SHOC2: variants seen among roughly 807,000 people sequenced by gnomAD.
SHOC2 encodes the protein SHOC2 leucine rich repeat scaffold protein.
SHOC2 carries 4 observed loss-of-function variants against 50.2 expected under a neutral mutation model. That is an observed-to-expected ratio of 0.08 (90% CI 0.04 to 0.18). SHOC2 has a LOEUF of 0.18. Ranked by LOEUF, SHOC2 falls within the 10% of genes least tolerant of loss-of-function variation. The pLI is 1.00. For synonymous variants in SHOC2, 218 were observed against 244.5 expected, an observed-to-expected ratio of 0.89 and a Z score of 1.01; for missense variants, 388 against 669.6, an observed-to-expected ratio of 0.58 and a Z score of 4.64.
At chr10:110,947,390 C>T (rs1422756412) in intron 1 of SHOC2, among the ~76,000 whole-genome samples, 1 of 152,246 alleles carries the variant, frequency 6.6e-6, no homozygotes, top group Non-Finnish European at 1.5e-5. Flanking sequence ...GACAGGCTGA[C>T]TGGTAAAGGG....
chr10:110,919,999 G>T, intron 1 of SHOC2: 1 of 147,870 alleles, frequency 6.8e-6, no homozygotes, highest in South Asian at 1.8e-4. Context: ...CCTGGGCGAC[G>T]GCGAGCCGGC....
Position 111,012,651 on chromosome 10 carries a change from AAACT to A in SHOC2, c.*837_*840del, listed in dbSNP as rs1277394430. On this transcript the variant is annotated 3_prime_UTR_variant, in exon 9 of 9. Coordinates refer to ENST00000369452, the MANE Select transcript of SHOC2 (RefSeq NM_007373.4). ...CATTCCTGAAAGTTGCAGATCCACA[AAACT>A]AACAGGATAATTGGGCAAATAAATT... 6.6e-6 allele frequency: 1 copy of A among 152,192 alleles called. No individual in the cohort carries two copies. Among genetic ancestry groups the A allele is most frequent in the Non-Finnish European group, 1.5e-5 (1 of 68,030 alleles). The allele number at this position is 152,192 out of a possible 1,614,324, so 9.4% of individuals were successfully genotyped here.
In SHOC2 at chr10:110,999,736, CAAAAAAA is replaced by C. The variant is rs145780250; in HGVS notation, c.842-662_842-656del. ...TGGGTGATAGAGTGAGACTCAGTCT[CAAAAAAA>C]AAAAAAAAAAAAAAAAGAAAGAAAA... is the stretch of plus-strand genomic sequence containing the variant. On this transcript the variant is annotated intron_variant, in intron 3 of 8. Coordinates refer to ENST00000369452, the MANE Select transcript of SHOC2 (RefSeq NM_007373.4). Among the ~76,000 whole-genome samples the C allele has an allele frequency of 4.3e-3, 350 of 81,718 alleles. 2 individuals are homozygous for C. Among genetic ancestry groups the C allele is most frequent in the Non-Finnish European group, 6.0e-3 (263 of 43,948 alleles). 53.6% of individuals were successfully genotyped at this position (81,718 alleles called of 152,430 possible). A position where few individuals can be genotyped will look rare whatever the true frequency, so the allele number is the denominator to read the frequency against.
chr10:110,926,022 C>G (rs1846764435), intron 1 of SHOC2, among the ~76,000 whole-genome samples: 1 of 152,178 alleles, frequency 6.6e-6, no homozygotes, highest in Admixed American at 6.5e-5. Flanking sequence ...GTGTCATCGG[C>G]TTGGTTACTA....
At chr10:111,003,825 A>G (rs1848422459) in intron 4 of SHOC2, among the ~76,000 whole-genome samples, 1 of 152,182 alleles carries the variant, frequency 6.6e-6, no homozygotes, top group Non-Finnish European at 1.5e-5. Flanking sequence ...CCTATTATAT[A>G]TAATTGATTA....
intron 1 of SHOC2, among the ~76,000 whole-genome samples, chr10:110,921,194 C>G (rs1292672508): frequency 6.6e-6 from 1 of 152,106 alleles, no homozygotes; most frequent in Non-Finnish European, 1.5e-5. Context: ...TTGAATTTAT[C>G]AAGTGTTGAT....
In SHOC2 at chr10:111,011,879, A is replaced by G. The variant is rs775803610; in HGVS notation, c.*61A>G. 5 of 1,288,722 alleles carry G rather than the reference A, an allele frequency of 3.9e-6. No homozygotes were observed. The highest frequency in any genetic ancestry group is 3.4e-5 in the Admixed American group (2 of 59,004). 79.8% of individuals were successfully genotyped at this position (1,288,722 alleles called of 1,614,324 possible). A position where few individuals can be genotyped will look rare whatever the true frequency, so the allele number is the denominator to read the frequency against. On this transcript the variant is annotated 3_prime_UTR_variant, in exon 9 of 9. Coordinates refer to ENST00000369452, the MANE Select transcript of SHOC2 (RefSeq NM_007373.4). ...AGACTGCCATTAATGTTTCTTATCT[A>G]TATCTGTATCTATTTATGTAGATAT... is the stretch of plus-strand genomic sequence containing the variant.
intron 2 of SHOC2, among the ~76,000 whole-genome samples, chr10:110,978,607 T>G (rs1847918034): frequency 6.6e-6 from 1 of 152,248 alleles, no homozygotes; most frequent in Admixed American, 6.5e-5. Context: ...TTGGCAACTG[T>G]TGAAATCTCT....
intron 1 of SHOC2, among the ~76,000 whole-genome samples, chr10:110,934,708 A>G (rs1846968491): frequency 6.6e-6 from 1 of 152,166 alleles, no homozygotes; most frequent in Admixed American, 6.5e-5. Flanking sequence ...TCTTGGGGAC[A>G]TACATTTACC....
chr10:110,968,265 C>T (rs372455815), intron 2 of SHOC2, among the ~76,000 whole-genome samples: 37 of 152,204 alleles, frequency 2.4e-4, no homozygotes, highest in Admixed American at 1.2e-3. Context: ...AACGGAAAGA[C>T]AGAAATAGTT....
rs1847868306 is a variant in SHOC2, at chr10:110,975,846, C to T, written c.704-9782C>T. 2.6e-5 allele frequency among the ~76,000 whole-genome samples: 4 copies of T among 151,968 alleles called. No individual in the cohort carries two copies. The South Asian group carries it at 8.3e-4, about 32-fold the overall frequency. On this transcript the variant is annotated intron_variant, in intron 2 of 8. Coordinates refer to ENST00000369452, the MANE Select transcript of SHOC2 (RefSeq NM_007373.4). ...TCTTGGGAGATGTTTTTAGACTATG[C>T]AGATACCTTGTTTTTCCCTAATCTT... is the stretch of plus-strand genomic sequence containing the variant.
At chr10:110,956,499 A>G (rs1044775051) in intron 1 of SHOC2, among the ~76,000 whole-genome samples, 2 of 152,174 alleles carry the variant, frequency 1.3e-5, no homozygotes, top group African/African-American at 2.4e-5. Context: ...GCTGCTTGCA[A>G]TTCTGCTGCT....
intron 2 of SHOC2, among the ~76,000 whole-genome samples, chr10:110,968,357 A>G (rs1046522588): frequency 2.0e-5 from 3 of 152,272 alleles, no homozygotes; most frequent in Middle Eastern, 3.4e-3. Context: ...TTTATAAAAT[A>G]AGACCTGTGC....
intron 1 of SHOC2, among the ~76,000 whole-genome samples, 180 bp downstream of exon 1, chr10:110,919,837 C>T (rs1846578049): frequency 6.6e-6 from 1 of 151,098 alleles, no homozygotes. Flanking sequence ...GCGCCGCCGC[C>T]GCCGCTTTCC....
chr10:110,926,311 G>A (rs1846771935), intron 1 of SHOC2, among the ~76,000 whole-genome samples: 1 of 152,156 alleles, frequency 6.6e-6, no homozygotes. Flanking sequence ...GTTCCAAGTG[G>A]AAAATTAGTT....
intron 1 of SHOC2, among the ~76,000 whole-genome samples, chr10:110,947,660 T>A (rs986312679): frequency 6.6e-6 from 1 of 152,104 alleles, no homozygotes; most frequent in African/African-American, 2.4e-5. Flanking sequence ...ATTAAATTTT[T>A]ATCAGCTTAA....
chr10:110,940,991 G>T (rs1271941940), intron 1 of SHOC2, among the ~76,000 whole-genome samples: 8 of 137,998 alleles, frequency 5.8e-5, no homozygotes, highest in African/African-American at 2.2e-4. Context: ...AGTGCAGTTA[G>T]CACAATCTCT....
chr10:110,936,241 C>T (rs959006806), intron 1 of SHOC2, among the ~76,000 whole-genome samples: 6 of 151,528 alleles, frequency 4.0e-5, no homozygotes, highest in Middle Eastern at 3.2e-3. Context: ...GGATTACAGG[C>T]GCCCTCCACC....
At chr10:110,995,825 C>T (rs1313470276) in intron 3 of SHOC2, among the ~76,000 whole-genome samples, 2 of 152,102 alleles carry the variant, frequency 1.3e-5, no homozygotes, top group Non-Finnish European at 2.9e-5. Context: ...AGACTTCTTA[C>T]TTCTACATTT....
Sources: gnomAD v4.1 joint callset for allele counts (sites outside exome capture counted in the v4.1 genomes callset) on GRCh38, gnomAD v4.1.1 for gene constraint, MANE v1.5 for transcripts, NCBI Gene and HGNC (gene_info 2026-07-23, HGNC 2026-07-21) for gene names.